The following CNTNAP2 variants were observed in gnomAD, a reference collection of about 807,000 sequenced individuals.
The protein encoded by CNTNAP2 is contactin associated protein 2, also known as contactin-associated protein-like 2.
Under a neutral mutation model 155.2 loss-of-function variants are expected in CNTNAP2, and 98 were observed. The ratio of observed to expected loss-of-function variants is 0.63; its 90% CI spans 0.54 to 0.75. The LOEUF is 0.75. Ranked by LOEUF, CNTNAP2 falls within the 30% of genes least tolerant of loss-of-function variation. The pLI, the probability that CNTNAP2 is intolerant of heterozygous loss-of-function variation, is 0.00. For missense variants in CNTNAP2, 1,727 were observed against 1,688.1 expected, an observed-to-expected ratio of 1.02 and a Z score of -0.40; for synonymous variants, 651 against 631.2, an observed-to-expected ratio of 1.03 and a Z score of -0.47.
At position 146,138,470 on chromosome 7, in the gene CNTNAP2, A is replaced by G. The variant is rs150827996; in HGVS notation, c.97+21497A>G. 8.9e-3 allele frequency among the ~76,000 whole-genome samples: 1,356 copies of G among 152,206 alleles called. 15 individuals are homozygous for G. The highest frequency in any genetic ancestry group is 0.029 in the African/African-American group (1,214 of 41,536). On this transcript the variant is annotated intron_variant, in intron 1 of 23. Transcript: ENST00000361727. ...TTCAATATTACTACTGAATTTGTAA[A>G]TGATAAGTGATCATGAAATAAACTT... is the stretch of plus-strand genomic sequence containing the variant.
intron 3 of CNTNAP2, among the ~76,000 whole-genome samples, chr7:147,039,211 T>C (rs1271048960): frequency 1.3e-5 from 2 of 151,948 alleles, no homozygotes; most frequent in Non-Finnish European, 1.5e-5. Flanking sequence ...TATGTGTATA[T>C]ATATAGACAC....
intron 15 of CNTNAP2, among the ~76,000 whole-genome samples, chr7:148,036,602 G>A (rs1039073732): frequency 3.3e-5 from 5 of 151,948 alleles, no homozygotes; most frequent in Non-Finnish European, 5.9e-5. Flanking sequence ...CCAAAGGGAC[G>A]TTTTCATTCC....
intron 1 of CNTNAP2, among the ~76,000 whole-genome samples, chr7:146,598,574 G>C (rs2129151075): frequency 6.6e-6 from 1 of 152,094 alleles, no homozygotes; most frequent in African/African-American, 2.4e-5. Flanking sequence ...CTCATTTATG[G>C]ACCTATCAGA....
At chr7:147,296,026 C>A (rs148623013) in intron 8 of CNTNAP2, among the ~76,000 whole-genome samples, 250 of 152,216 alleles carry the variant, frequency 1.6e-3, no homozygotes, top group African/African-American at 5.5e-3. Flanking sequence ...TGTTCCATTT[C>A]TAAATTAATT....
At chr7:147,255,830 T>C (rs186648371) in intron 8 of CNTNAP2, among the ~76,000 whole-genome samples, 80 of 152,280 alleles carry the variant, frequency 5.3e-4, no homozygotes, top group Non-Finnish European at 8.8e-4. Context: ...CTCTGCTTTC[T>C]GGGTTCAAGG....
Position 147,044,039 on chromosome 7 carries a change from T to C in CNTNAP2, c.535T>C (p.Tyr179His). Residue 179 changes from tyrosine (Y) to histidine (H), a missense_variant, in exon 4 of 24, where the codon TAT (tyrosine) becomes CAT (histidine). Tyr to His is a moderately conservative substitution (Grantham distance 83, BLOSUM62 2). Transcript: ENST00000361727. ...TCGCATTGGACTCAGAATTGAAGTT[T>C]ATGGCTGTTCTTACTGTGAGTATCG... ...EGRIGLRIEV[Y>H]GCSYWADVIN... 2 of 1,614,166 alleles carry C rather than the reference T, an allele frequency of 1.2e-6. No homozygotes were observed. Among genetic ancestry groups the C allele is most frequent in the Non-Finnish European group, 1.7e-6 (2 of 1,179,998 alleles).
chr7:146,263,271 G>A (rs1411851221), intron 1 of CNTNAP2, among the ~76,000 whole-genome samples: 1 of 141,842 alleles, frequency 7.1e-6, no homozygotes, highest in Non-Finnish European at 1.5e-5. Context: ...GCGAGGGAGG[G>A]AGGGAGGAAG....
At chr7:146,956,781 T>G (rs1221049190) in intron 3 of CNTNAP2, among the ~76,000 whole-genome samples, 1 of 152,176 alleles carries the variant, frequency 6.6e-6, no homozygotes, top group Non-Finnish European at 1.5e-5. Context: ...TAGACTATTG[T>G]GTTTTGAGTA....
chr7:147,786,239 T>G (rs899159547), intron 13 of CNTNAP2, among the ~76,000 whole-genome samples: 7 of 152,180 alleles, frequency 4.6e-5, no homozygotes, highest in African/African-American at 1.7e-4. Flanking sequence ...ACCACTGCAC[T>G]CCAGCCTGGG....
chr7:147,326,146 G>T (rs753773293), intron 9 of CNTNAP2, among the ~76,000 whole-genome samples: 1 of 152,118 alleles, frequency 6.6e-6, no homozygotes, highest in South Asian at 2.1e-4. Flanking sequence ...GGATGGTCTC[G>T]ATCTCCTGAC....
intron 9 of CNTNAP2, among the ~76,000 whole-genome samples, chr7:147,309,365 T>A (rs1431184364): frequency 6.6e-6 from 1 of 152,210 alleles, no homozygotes; most frequent in South Asian, 2.1e-4. Flanking sequence ...GATGAGGAAA[T>A]CACAACTTAG....
At chr7:148,108,368 A>G (rs564818257) in intron 15 of CNTNAP2, among the ~76,000 whole-genome samples, 18 of 77,156 alleles carry the variant, frequency 2.3e-4, no homozygotes, top group Admixed American at 1.9e-3. Flanking sequence ...AAAAATTAAA[A>G]AAAAAAAAAT....
At position 146,849,722 on chromosome 7, in the gene CNTNAP2, G is replaced by A. The variant is rs28378268; in HGVS notation, c.402+9818G>A. 9.9e-5 allele frequency among the ~76,000 whole-genome samples: 15 copies of A among 152,038 alleles called. No individual in the cohort carries two copies. The South Asian group carries it at 1.5e-3, about 15-fold the overall frequency. ...CCCATAAATATAGTCTCTTCTTATC[G>A]TCCTCTTGTTTCACTTTCTCCTATT... is the stretch of plus-strand genomic sequence containing the variant. On this transcript the variant is annotated intron_variant, in intron 3 of 23. Coordinates refer to ENST00000361727, the MANE Select transcript of CNTNAP2 (RefSeq NM_014141.6).
chr7:147,834,959 A>T lies in CNTNAP2; in HGVS notation c.2099-68606A>T, dbSNP rs567425187. 3.6e-4 allele frequency among the ~76,000 whole-genome samples: 55 copies of T among 152,290 alleles called. 1 individual carries two copies. The Middle Eastern group carries it at 0.017, about 47-fold the overall frequency. On this transcript the variant is annotated intron_variant, in intron 13 of 23. Coordinates refer to ENST00000361727, the MANE Select transcript of CNTNAP2 (RefSeq NM_014141.6). ...TGAATCAGAAACTTTCTTTCTCTCCACTTGCTCACACTGGCTTCTAACCAA... is the reference window on the plus strand; with the variant it reads ...TGAATCAGAAACTTTCTTTCTCTCCTCTTGCTCACACTGGCTTCTAACCAA...
intron 14 of CNTNAP2, 66 bp from the exon 15 acceptor site, chr7:147,977,788 GTAAGCAAC>G: frequency 6.3e-7 from 1 of 1,591,888 alleles, no homozygotes; most frequent in Non-Finnish European, 8.6e-7. Context: ...ATTAGACAAC[GTAAGCAAC>G]TAGCAGAAAA....
At chr7:146,467,090 T>C (rs1796727126) in intron 1 of CNTNAP2, among the ~76,000 whole-genome samples, 1 of 152,182 alleles carries the variant, frequency 6.6e-6, no homozygotes, top group African/African-American at 2.4e-5. Context: ...TGACAATATA[T>C]GAAAGACTTC....
intron 11 of CNTNAP2, among the ~76,000 whole-genome samples, chr7:147,503,918 G>A (rs1167287642): frequency 3.9e-5 from 6 of 152,136 alleles, no homozygotes; most frequent in Admixed American, 2.0e-4. Context: ...CTGAGGAGAA[G>A]GGAGAGGAGA....
chr7:147,787,009 A>AAG lies in CNTNAP2; in HGVS notation c.2099-116540_2099-116539dup, dbSNP rs58597648. On this transcript the variant is annotated intron_variant, in intron 13 of 23. Transcript: ENST00000361727. The stretch of plus-strand genomic sequence containing the variant: ...GGAGGGAGGGAGGAAGGGAGGGAAA[A>AAG]AGAGAGAGAGAGAGAGAAGACAAGA... Among the ~76,000 whole-genome samples the AAG allele has an allele frequency of 4.0e-5, 6 of 150,726 alleles. No homozygotes were observed. In the East Asian group the frequency reaches 5.8e-4, roughly 15 times the overall value.
intron 1 of CNTNAP2, among the ~76,000 whole-genome samples, chr7:146,167,019 A>T (rs1798322275): frequency 6.6e-6 from 1 of 152,216 alleles, no homozygotes; most frequent in South Asian, 2.1e-4. Context: ...GGCACTTTGG[A>T]GAATTTCTTC....
Sources: allele counts gnomAD v4.1 joint callset (sites outside exome capture counted in the v4.1 genomes callset), GRCh38; gene constraint gnomAD v4.1.1; transcripts MANE v1.5; gene names NCBI Gene and HGNC (gene_info 2026-07-23, HGNC 2026-07-21).